The following SPPL3 variants were observed in gnomAD, a reference collection of about 807,000 sequenced individuals.
SPPL3 encodes signal peptide peptidase like 3.
Under a neutral mutation model 42.4 loss-of-function variants are expected in SPPL3, and 5 were observed. The ratio of observed to expected loss-of-function variants is 0.12; its 90% confidence interval spans 0.06 to 0.25. The LOEUF is 0.25. SPPL3 is among the 10% of genes least tolerant of loss of function. The probability of loss-of-function intolerance (pLI) is 1.00; values close to 1 mark genes in which losing one functional copy is unlikely to be tolerated. For missense variants in SPPL3, 235 were observed against 489.0 expected (o/e 0.48, Z 4.90); for synonymous variants, 195 against 181.8 (o/e 1.07, Z -0.58).
chr12:120,794,116 G>A (rs984712997), intron 2 of SPPL3, among the ~76,000 whole-genome samples: 9 of 152,078 alleles, frequency 5.9e-5, no homozygotes, highest in Admixed American at 5.2e-4. Context: ...ATGCTCTCTT[G>A]CTTAATTGAC....
intron 2 of SPPL3, among the ~76,000 whole-genome samples, chr12:120,808,473 T>C (rs1870577733): frequency 6.6e-6 from 1 of 152,214 alleles, no homozygotes; most frequent in Non-Finnish European, 1.5e-5. Context: ...GTTTAAAACT[T>C]GCTCAATCCT....
At chr12:120,799,920 C>T (rs1331443097) in intron 2 of SPPL3, among the ~76,000 whole-genome samples, 1 of 152,128 alleles carries the variant, frequency 6.6e-6, no homozygotes, top group Non-Finnish European at 1.5e-5. Flanking sequence ...TTAAATAAAG[C>T]CTTTGCAAAA....
At chr12:120,900,312 T>A (rs1297341191) in intron 1 of SPPL3, among the ~76,000 whole-genome samples, 2 of 145,808 alleles carry the variant, frequency 1.4e-5, no homozygotes. Flanking sequence ...CAAATCTGTT[T>A]AAAAAAAAAA....
chr12:120,834,425 C>CTT (rs1871538563), intron 1 of SPPL3, among the ~76,000 whole-genome samples: 1 of 152,044 alleles, frequency 6.6e-6, no homozygotes, highest in Admixed American at 6.6e-5. Context: ...GGGACTCTGC[C>CTT]CTCTGAAGTA....
At chr12:120,830,559 A>G (rs1189136545) in intron 1 of SPPL3, among the ~76,000 whole-genome samples, 9 of 2,248 alleles carry the variant, frequency 4.0e-3, no homozygotes, top group South Asian at 0.028. Flanking sequence ...GGGGAGGGGG[A>G]GGGGTGGGGG....
intron 1 of SPPL3, among the ~76,000 whole-genome samples, chr12:120,891,523 TAA>T (rs2137066213): frequency 6.6e-6 from 1 of 151,910 alleles, no homozygotes; most frequent in African/African-American, 2.4e-5. Context: ...AACGGCAAAA[TAA>T]GTTTCTATTA....
chr12:120,845,941 A>G (rs899547235), intron 1 of SPPL3, among the ~76,000 whole-genome samples: 1 of 151,884 alleles, frequency 6.6e-6, no homozygotes, highest in Non-Finnish European at 1.5e-5. Flanking sequence ...TCCGATGCCT[A>G]GGCTAGAGTG....
At chr12:120,822,816 C>T (rs756912139) in intron 1 of SPPL3, among the ~76,000 whole-genome samples, 15 of 152,078 alleles carry the variant, frequency 9.9e-5, no homozygotes, top group Non-Finnish European at 1.8e-4. Context: ...TCTCCATCAT[C>T]TTGCAGTATC....
At chr12:120,791,728 A>G in intron 2 of SPPL3, 171 bp from the exon 3 acceptor site, 2 of 550,400 alleles carry the variant, frequency 3.6e-6, no homozygotes, top group South Asian at 2.1e-5. Flanking sequence ...AGTCCTTCCA[A>G]TGTGTCAGTT....
At chr12:120,808,447 T>C (rs1322585912) in intron 2 of SPPL3, among the ~76,000 whole-genome samples, 3 of 152,198 alleles carry the variant, frequency 2.0e-5, no homozygotes, top group Non-Finnish European at 2.9e-5. Context: ...ATGATACACT[T>C]ATTACATAAA....
At position 120,871,130 on chromosome 12, in the gene SPPL3, C is replaced by CAAAAAAAAAAAAAAA. The variant is rs71453512; in HGVS notation, c.23+32700_23+32714dup. 1.8e-3 allele frequency among the ~76,000 whole-genome samples: 95 copies of CAAAAAAAAAAAAAAA among 51,662 alleles called. 6 individuals are homozygous for CAAAAAAAAAAAAAAA. Among genetic ancestry groups the CAAAAAAAAAAAAAAA allele is most frequent in the East Asian group, 4.0e-3 (4 of 996 alleles). The allele number at this position is 51,662 out of a possible 152,430, so 33.9% of individuals were successfully genotyped here. A position where few individuals can be genotyped will look rare whatever the true frequency, so the allele number is the denominator to read the frequency against. ...GGGCGACAGAGTGAGACTCCGTCTC[C>CAAAAAAAAAAAAAAA]AAAAAAAAAAAAAAAAAAAGAAAAA... On this transcript the variant is annotated intron_variant, in intron 1 of 10. Coordinates refer to ENST00000353487, the MANE Select transcript of SPPL3 (RefSeq NM_139015.5).
intron 1 of SPPL3, among the ~76,000 whole-genome samples, chr12:120,877,708 G>A (rs567928168): frequency 6.6e-6 from 1 of 151,950 alleles, no homozygotes; most frequent in East Asian, 1.9e-4. Flanking sequence ...TTGAACCTGG[G>A]AGGTGGAGGG....
intron 1 of SPPL3, among the ~76,000 whole-genome samples, chr12:120,902,736 T>G (rs1396723604): frequency 1.3e-5 from 2 of 152,164 alleles, no homozygotes; most frequent in Non-Finnish European, 2.9e-5. Flanking sequence ...CACATTTGCT[T>G]CAAGAGTAAA....
intron 1 of SPPL3, among the ~76,000 whole-genome samples, chr12:120,876,017 C>CT (rs1873074965): frequency 3.3e-5 from 1 of 30,036 alleles, no homozygotes; most frequent in Non-Finnish European, 4.8e-4. Flanking sequence ...AACAAACAGA[C>CT]CCCCCCCACC....
intron 1 of SPPL3, among the ~76,000 whole-genome samples, chr12:120,834,974 TA>T (rs1428850740): frequency 1.3e-5 from 2 of 152,240 alleles, no homozygotes; most frequent in Non-Finnish European, 2.9e-5. Flanking sequence ...ATCTATTTTA[TA>T]GGGGTGAAAA....
intron 2 of SPPL3, among the ~76,000 whole-genome samples, chr12:120,810,308 T>C (rs1870642808): frequency 6.6e-6 from 1 of 152,164 alleles, no homozygotes; most frequent in African/African-American, 2.4e-5. Context: ...ATTAGCATCC[T>C]GGGTACAGTT....
intron 1 of SPPL3, among the ~76,000 whole-genome samples, chr12:120,865,830 A>C (rs929408093): frequency 3.9e-5 from 6 of 152,212 alleles, no homozygotes; most frequent in African/African-American, 1.4e-4. Context: ...CTGTAGGAGG[A>C]GACAGGCAGG....
chr12:120,774,222 C>G (rs1869227141), intron 6 of SPPL3, among the ~76,000 whole-genome samples: 2 of 152,302 alleles, frequency 1.3e-5, no homozygotes, highest in African/African-American at 4.8e-5. Context: ...TACTGCAGAC[C>G]TTGCTCACAC....
At chr12:120,798,429 T>G (rs1223950734) in intron 2 of SPPL3, among the ~76,000 whole-genome samples, 1 of 152,200 alleles carries the variant, frequency 6.6e-6, no homozygotes, top group African/African-American at 2.4e-5. Flanking sequence ...AAACTAGATG[T>G]AGTATTTTGC....
Sources: allele counts gnomAD v4.1 joint callset (sites outside exome capture counted in the v4.1 genomes callset), GRCh38; gene constraint gnomAD v4.1.1; transcripts MANE v1.5; gene names NCBI Gene and HGNC (gene_info 2026-07-23, HGNC 2026-07-21).